LOC128462377: variants seen among roughly 807,000 people sequenced by gnomAD.
At chr16:89,371,094 G>A in the LOC128462377 span, among the ~76,000 whole-genome samples, 1 of 152,126 alleles carries the variant, frequency 6.6e-6, no homozygotes, top group Non-Finnish European at 1.5e-5. Flanking sequence ...CTGCGCGCTC[G>A]CTTACTGAAA....
the LOC128462377 span, among the ~76,000 whole-genome samples, chr16:89,386,560 C>T: frequency 6.6e-6 from 1 of 152,330 alleles, no homozygotes; most frequent in South Asian, 2.1e-4. Context: ...CCGCAACGAC[C>T]TTGCATCCTG....
At chr16:89,370,954 G>C in the LOC128462377 span, among the ~76,000 whole-genome samples, 1 of 152,034 alleles carries the variant, frequency 6.6e-6, no homozygotes, top group Non-Finnish European at 1.5e-5. Context: ...CAAGCCCTGC[G>C]GACACCACGA....
the LOC128462377 span, among the ~76,000 whole-genome samples, chr16:89,371,037 GC>G: frequency 1.3e-5 from 2 of 152,202 alleles, no homozygotes; most frequent in African/African-American, 4.8e-5. Context: ...TGTTATAGCT[GC>G]CCCGTCTCAT....
chr16:89,381,588 T>TA, the LOC128462377 span, among the ~76,000 whole-genome samples: 3 of 152,202 alleles, frequency 2.0e-5, no homozygotes, highest in African/African-American at 7.2e-5. Flanking sequence ...CATGCGATGA[T>TA]ACGCTTTCCA....
At chr16:89,337,036 A>G in the LOC128462377 span, among the ~76,000 whole-genome samples, 1 of 127,804 alleles carries the variant, frequency 7.8e-6, no homozygotes, top group Non-Finnish European at 1.7e-5. Context: ...AAAAAAAAAA[A>G]TTAGCCAGGT....
At chr16:89,399,761 T>C in the LOC128462377 span, among the ~76,000 whole-genome samples, 1 of 151,988 alleles carries the variant, frequency 6.6e-6, no homozygotes, top group African/African-American at 2.4e-5. Context: ...CTGTAATTTA[T>C]GTTCTATTTT....
chr16:89,363,152 G>C, the LOC128462377 span, among the ~76,000 whole-genome samples: 5 of 152,062 alleles, frequency 3.3e-5, no homozygotes, highest in Non-Finnish European at 7.3e-5. Flanking sequence ...AAACAGCTGG[G>C]AACACGCCTA....
the LOC128462377 span, among the ~76,000 whole-genome samples, chr16:89,390,468 G>A: frequency 2.1e-4 from 32 of 152,248 alleles, no homozygotes; most frequent in African/African-American, 7.7e-4. Context: ...GGAGGTGGAG[G>A]GCAGAAAAAA....
chr16:89,352,363 G>A, the LOC128462377 span, among the ~76,000 whole-genome samples: 3 of 151,710 alleles, frequency 2.0e-5, no homozygotes, highest in African/African-American at 4.8e-5. Flanking sequence ...GCACCGCAAT[G>A]TCTCAAGGCA....
chr16:89,331,847 G>A, the LOC128462377 span, among the ~76,000 whole-genome samples: 603 of 152,266 alleles, frequency 4.0e-3, 3 homozygotes, highest in African/African-American at 0.014. Flanking sequence ...TGTTTTCGGC[G>A]GATGCAATGG....
At chr16:89,325,198 C>A in the LOC128462377 span, 3 of 152,318 alleles carry the variant, frequency 2.0e-5, no homozygotes, top group Non-Finnish European at 4.4e-5. Context: ...GAGGGTGGAA[C>A]ACTACACAGC....
At chr16:89,370,732 A>C in the LOC128462377 span, 2 of 152,278 alleles carry the variant, frequency 1.3e-5, no homozygotes, top group Admixed American at 6.5e-5. Context: ...CATCACGGTG[A>C]CTGCTGTGCT....
the LOC128462377 span, chr16:89,370,836 T>A: frequency 6.6e-6 from 1 of 152,584 alleles, no homozygotes; most frequent in Non-Finnish European, 1.5e-5. Flanking sequence ...GGCCGGCTCC[T>A]GAGTGCTCAG....
the LOC128462377 span, among the ~76,000 whole-genome samples, chr16:89,318,520 G>A: frequency 0.02 from 3,042 of 152,260 alleles, 104 homozygotes; most frequent in African/African-American, 0.069. Context: ...TACCCATCTC[G>A]CTCATGCACG....
the LOC128462377 span, among the ~76,000 whole-genome samples, chr16:89,390,139 C>G: frequency 8.7e-5 from 4 of 46,182 alleles, no homozygotes; most frequent in Non-Finnish European, 3.7e-5. Flanking sequence ...GGAGCACAGA[C>G]AGAGAAGATC....
chr16:89,413,959 A>C, the LOC128462377 span, among the ~76,000 whole-genome samples: 3 of 152,020 alleles, frequency 2.0e-5, no homozygotes, highest in Non-Finnish European at 4.4e-5. Flanking sequence ...GGACCCCAGC[A>C]CAGCAACAGC....
chr16:89,331,142 T>C, the LOC128462377 span, among the ~76,000 whole-genome samples: 3 of 152,062 alleles, frequency 2.0e-5, no homozygotes, highest in South Asian at 2.1e-4. Flanking sequence ...TGAGGAGAGA[T>C]GGGGTTTCGC....
the LOC128462377 span, among the ~76,000 whole-genome samples, chr16:89,410,629 C>G: frequency 6.6e-6 from 1 of 152,340 alleles, no homozygotes; most frequent in East Asian, 1.9e-4. Flanking sequence ...TGCTGACGTG[C>G]TGACACCATC....
At chr16:89,348,310 C>T in the LOC128462377 span, among the ~76,000 whole-genome samples, 2 of 152,198 alleles carry the variant, frequency 1.3e-5, no homozygotes, top group African/African-American at 4.8e-5. Flanking sequence ...TGGTACACTA[C>T]ATTGATTTTT....
Sources: allele counts gnomAD v4.1 joint callset (sites outside exome capture counted in the v4.1 genomes callset), GRCh38; gene constraint gnomAD v4.1.1; transcripts MANE v1.5.